The following MAN1A1 variants were observed in gnomAD, a reference collection of about 807,000 sequenced individuals.
MAN1A1 encodes the protein mannosidase alpha class 1A member 1.
In MAN1A1, 29 loss-of-function variants were observed where a neutral mutation model predicts 70.8. The observed-to-expected ratio is 0.41, with a 90% CI of 0.31 to 0.56. The LOEUF is 0.56. Among genes scored for constraint, MAN1A1 ranks in the 20% least tolerant of loss-of-function variants. The pLI is 0.29. For synonymous variants in MAN1A1, 349 were observed against 330.1 expected (o/e 1.06, Z -0.62); for missense variants, 747 against 841.3 (o/e 0.89, Z 1.39).
At chr6:119,231,571 C>T (rs866378202) in intron 6 of MAN1A1, among the ~76,000 whole-genome samples, 2 of 152,100 alleles carry the variant, frequency 1.3e-5, no homozygotes, top group Non-Finnish European at 2.9e-5. Context: ...TCTAGAGAAG[C>T]CTCCTCAAGG....
chr6:119,258,945 G>A (rs755697912), intron 5 of MAN1A1, among the ~76,000 whole-genome samples: 11 of 152,104 alleles, frequency 7.2e-5, no homozygotes, highest in African/African-American at 1.2e-4. Flanking sequence ...TAAGTGAATA[G>A]AGAATAATCT....
intron 5 of MAN1A1, among the ~76,000 whole-genome samples, chr6:119,263,038 A>G (rs1186341350): frequency 6.6e-6 from 1 of 152,126 alleles, no homozygotes; most frequent in African/African-American, 2.4e-5. Context: ...CTCCCAGCCT[A>G]CATCTTTTTC....
intron 4 of MAN1A1, among the ~76,000 whole-genome samples, chr6:119,296,684 G>T (rs547681924): frequency 1.3e-5 from 2 of 151,050 alleles, no homozygotes; most frequent in South Asian, 4.2e-4. Flanking sequence ...ATTCCAACTG[G>T]GTATGCAAAC....
Position 119,179,810 on chromosome 6 carries a change from A to G in MAN1A1, c.*9T>C. ...GGGAATGGAGCAGAATAAAATATAAAATGTCTTTTTATTCCTCTCTGATTT... is the reference window on the plus strand; with the variant it reads ...GGGAATGGAGCAGAATAAAATATAAGATGTCTTTTTATTCCTCTCTGATTT... On this transcript the variant is annotated 3_prime_UTR_variant, in exon 13 of 13. Coordinates refer to ENST00000368468, the MANE Select transcript of MAN1A1 (RefSeq NM_005907.4). 1 of 1,608,900 alleles carries G rather than the reference A, an allele frequency of 6.2e-7. No homozygotes were observed. Among genetic ancestry groups the G allele is most frequent in the Non-Finnish European group, 8.5e-7 (1 of 1,175,644 alleles).
intron 2 of MAN1A1, 63 bp from the exon 3 acceptor site, chr6:119,307,055 T>G (rs1453705224): frequency 1.8e-6 from 2 of 1,116,566 alleles, no homozygotes; most frequent in African/African-American, 3.1e-5. Context: ...ACAAAATAGG[T>G]AATATATTGA....
rs542208376 is a variant in MAN1A1 at position 119,315,235 on chromosome 6, A to T, written c.604-8243T>A. On this transcript the variant is annotated intron_variant, in intron 2 of 12. Coordinates refer to ENST00000368468, the MANE Select transcript of MAN1A1 (RefSeq NM_005907.4). ...AATTTTAATGTACTTCTAAGTTGGC[A>T]GGAGATATATAAAGAAACAGTAATT... Among the ~76,000 whole-genome samples the T allele has an allele frequency of 7.9e-5, 12 of 152,362 alleles. No individual in the cohort carries two copies. The South Asian group carries it at 2.5e-3, about 32-fold the overall frequency.
intron 9 of MAN1A1, among the ~76,000 whole-genome samples, chr6:119,191,557 T>G (rs2299873): frequency 0.71 from 108,084 of 151,756 alleles, 40,792 homozygotes; most frequent in Non-Finnish European, 0.83. Context: ...AAAAGAGTAC[T>G]ATATATTTTG....
intron 5 of MAN1A1, chr6:119,269,119 A>G (rs1388549782): frequency 6.2e-6 from 1 of 161,542 alleles, no homozygotes; most frequent in East Asian, 1.8e-4. Context: ...AGGAATAAAC[A>G]GTCTTTAGTG....
At chr6:119,292,607 T>C (rs920073963) in intron 4 of MAN1A1, among the ~76,000 whole-genome samples, 1 of 151,952 alleles carries the variant, frequency 6.6e-6, no homozygotes, top group African/African-American at 2.4e-5. Flanking sequence ...ATCTAACAAT[T>C]AAAGTCAAGT....
At chr6:119,318,380 T>A (rs11961647) in intron 2 of MAN1A1, among the ~76,000 whole-genome samples, 56,565 of 151,982 alleles carry the variant, frequency 0.37, 11,125 homozygotes, top group Non-Finnish European at 0.41. Flanking sequence ...ATCTTGGTGG[T>A]GGAGGTTGGC....
intron 5 of MAN1A1, 150 bp from the exon 6 acceptor site, chr6:119,248,504 T>C (rs1775227949): frequency 1.2e-5 from 7 of 608,490 alleles, no homozygotes; most frequent in Non-Finnish European, 2.0e-5. Context: ...ATTAACAGAA[T>C]TACCCAGTAA....
At chr6:119,344,621 T>C (rs922060779) in intron 2 of MAN1A1, among the ~76,000 whole-genome samples, 2 of 152,200 alleles carry the variant, frequency 1.3e-5, no homozygotes, top group African/African-American at 4.8e-5. Flanking sequence ...TAAATATTAT[T>C]TTCCACCCCA....
chr6:119,341,947 C>A (rs937312502), intron 2 of MAN1A1, among the ~76,000 whole-genome samples: 2 of 152,026 alleles, frequency 1.3e-5, no homozygotes, highest in African/African-American at 4.8e-5. Context: ...GAGACCCGAT[C>A]TGCATTGTGT....
At chr6:119,330,216 A>G (rs1389812568) in intron 2 of MAN1A1, among the ~76,000 whole-genome samples, 2 of 152,092 alleles carry the variant, frequency 1.3e-5, no homozygotes, top group Non-Finnish European at 2.9e-5. Context: ...TGCTTGTTGT[A>G]TACATCCAAC....
intron 6 of MAN1A1, among the ~76,000 whole-genome samples, chr6:119,247,612 C>G (rs1215452986): frequency 6.6e-6 from 1 of 152,078 alleles, no homozygotes; most frequent in Non-Finnish European, 1.5e-5. Context: ...GGGAGAACAC[C>G]AGAAAGTCTG....
chr6:119,239,048 G>A (rs946118613), intron 6 of MAN1A1, among the ~76,000 whole-genome samples: 16 of 152,048 alleles, frequency 1.1e-4, no homozygotes, highest in South Asian at 4.2e-4. Context: ...CTGCCACCGC[G>A]CCTGGCTAAT....
At chr6:119,338,410 T>C (rs1433843272) in intron 2 of MAN1A1, among the ~76,000 whole-genome samples, 1 of 152,084 alleles carries the variant, frequency 6.6e-6, no homozygotes, top group African/African-American at 2.4e-5. Flanking sequence ...ACAAAATGCA[T>C]ATTTATCCTA....
At chr6:119,194,149 T>C (rs147360751) in intron 8 of MAN1A1, among the ~76,000 whole-genome samples, 4 of 152,220 alleles carry the variant, frequency 2.6e-5, no homozygotes, top group Non-Finnish European at 1.5e-5. Context: ...TTACCCCTAA[T>C]TCTAAAAATC....
At chr6:119,255,200 A>C (rs1775427168) in intron 5 of MAN1A1, among the ~76,000 whole-genome samples, 1 of 152,234 alleles carries the variant, frequency 6.6e-6, no homozygotes, top group Non-Finnish European at 1.5e-5. Context: ...TTGGAAGGAA[A>C]TATTTTCAGT....
Sources: allele counts gnomAD v4.1 joint callset (sites outside exome capture counted in the v4.1 genomes callset), GRCh38; gene constraint gnomAD v4.1.1; transcripts MANE v1.5; gene names NCBI Gene and HGNC (gene_info 2026-07-23, HGNC 2026-07-21).